BACH2: variants seen among roughly 807,000 people sequenced by gnomAD.
BACH2 encodes transcription regulator protein BACH2.
In BACH2, 5 loss-of-function variants were observed where a neutral mutation model predicts 61.8. The ratio of observed to expected loss-of-function variants is 0.08; its 90% CI spans 0.04 to 0.17. BACH2 has a LOEUF of 0.17. BACH2 is among the 10% of genes least tolerant of loss of function. BACH2 has a pLI of 1.00. For missense variants in BACH2, 824 were observed against 1,091.1 expected (o/e 0.76, Z 3.45); for synonymous variants, 446 against 440.1 (o/e 1.01, Z -0.17).
At chr6:90,213,157 A>C (rs1769414772) in intron 3 of BACH2, among the ~76,000 whole-genome samples, 1 of 152,142 alleles carries the variant, frequency 6.6e-6, no homozygotes, top group Admixed American at 6.5e-5. Flanking sequence ...GAATGAGATG[A>C]GTGAAAGGTC....
chr6:89,940,778 G>A (rs933477275), intron 7 of BACH2, among the ~76,000 whole-genome samples: 6 of 151,476 alleles, frequency 4.0e-5, no homozygotes, highest in African/African-American at 1.5e-4. Context: ...TTTGAATACT[G>A]TATGTTATTT....
At chr6:90,019,633 G>T (rs1778271644) in intron 5 of BACH2, among the ~76,000 whole-genome samples, 1 of 152,156 alleles carries the variant, frequency 6.6e-6, no homozygotes, top group Admixed American at 6.5e-5. Flanking sequence ...AGTTTTCTTT[G>T]ACCTTCTAAA....
chr6:90,221,831 G>T (rs753532556), intron 3 of BACH2, among the ~76,000 whole-genome samples: 1 of 152,182 alleles, frequency 6.6e-6, no homozygotes, highest in Admixed American at 6.5e-5. Context: ...GAGTCTGGGG[G>T]TTATGAGAAA....
chr6:90,116,509 G>C (rs1282966775), intron 4 of BACH2, among the ~76,000 whole-genome samples: 1 of 152,080 alleles, frequency 6.6e-6, no homozygotes, highest in Non-Finnish European at 1.5e-5. Context: ...GAGGGTGGGA[G>C]AGAAAGTAGC....
rs533521663 is a variant in BACH2 at position 90,227,738 on chromosome 6, C to G, written c.-274-21057G>C. ...GTGATCTGAAATATCAACAAAATTACAGACTAGAAATCAACTAGACTTCAA... is the reference window on the plus strand; with the variant it reads ...GTGATCTGAAATATCAACAAAATTAGAGACTAGAAATCAACTAGACTTCAA... On this transcript the variant is annotated intron_variant, in intron 3 of 8. Transcript: ENST00000257749. Among the ~76,000 whole-genome samples the G allele has an allele frequency of 1.7e-4, 26 of 152,112 alleles. No individual in the cohort carries two copies. The Middle Eastern group carries it at 0.014, about 80-fold the overall frequency.
chr6:90,181,838 T>C (rs1455044791), intron 4 of BACH2, among the ~76,000 whole-genome samples: 2 of 152,210 alleles, frequency 1.3e-5, no homozygotes, highest in Admixed American at 6.5e-5. Flanking sequence ...GGAAAGAAAC[T>C]TGCCCCAAGT....
At position 90,006,341 on chromosome 6, in the gene BACH2, T is replaced by C. The variant is rs147272949; in HGVS notation, c.243+2261A>G. Reference sequence around the variant, plus strand: ...TCATGGCAGGACAGCTAGTTAAGTATGTCCCCAACAGCGCAGTTAAGGAAA... The same window carrying C: ...TCATGGCAGGACAGCTAGTTAAGTACGTCCCCAACAGCGCAGTTAAGGAAA... On this transcript the variant is annotated intron_variant, in intron 6 of 8. Coordinates refer to ENST00000257749, the MANE Select transcript of BACH2 (RefSeq NM_021813.4). Among the ~76,000 whole-genome samples the C allele has an allele frequency of 2.4e-3, 369 of 152,348 alleles. 7 individuals are homozygous for C. The East Asian group carries it at 0.035, about 14-fold the overall frequency.
rs189203775 is a variant in BACH2, at chr6:90,236,985, G to A, written c.-275+15528C>T. Among the ~76,000 whole-genome samples, 486 of 151,920 alleles carry A rather than the reference G, an allele frequency of 3.2e-3. 2 individuals carry two copies. The highest frequency in any genetic ancestry group is 0.011 in the African/African-American group (447 of 41,412). ...GTCGCCCAGGCTGGAGTGCAGTGGC[G>A]CAATCTCAGCTCACTGCAACCTCCA... On this transcript the variant is annotated intron_variant, in intron 3 of 8. Coordinates refer to ENST00000257749, the MANE Select transcript of BACH2 (RefSeq NM_021813.4).
intron 4 of BACH2, among the ~76,000 whole-genome samples, chr6:90,160,765 A>G (rs900591632): frequency 6.6e-6 from 1 of 152,166 alleles, no homozygotes; most frequent in African/African-American, 2.4e-5. Context: ...TCTAAGTTGG[A>G]GTCTTCACTT....
intron 4 of BACH2, among the ~76,000 whole-genome samples, chr6:90,092,291 A>AAAAAAAAAAAAAAAAAAT: frequency 2.0e-4 from 23 of 113,812 alleles, no homozygotes; most frequent in African/African-American, 7.9e-4. Flanking sequence ...AAAAAAAAAA[A>AAAAAAAAAAAAAAAAAAT]ATATATATAT....
chr6:90,222,932 G>A (rs551430024), intron 3 of BACH2, among the ~76,000 whole-genome samples: 71 of 152,100 alleles, frequency 4.7e-4, no homozygotes, highest in African/African-American at 1.6e-3. Flanking sequence ...TACTCAACCC[G>A]CCACTCTGGC....
At chr6:90,119,524 A>G (rs1783539194) in intron 4 of BACH2, among the ~76,000 whole-genome samples, 1 of 152,210 alleles carries the variant, frequency 6.6e-6, no homozygotes, top group African/African-American at 2.4e-5. Flanking sequence ...ATTTAAACTT[A>G]AAAGCCTGAA....
chr6:90,169,611 G>C (rs771727109), intron 4 of BACH2, among the ~76,000 whole-genome samples: 15 of 152,176 alleles, frequency 9.9e-5, no homozygotes, highest in Admixed American at 2.0e-4. Flanking sequence ...TATAAATGGT[G>C]CTTTGCTCTT....
At chr6:90,116,912 G>T in intron 4 of BACH2, 1 of 513,976 alleles carries the variant, frequency 1.9e-6, no homozygotes, top group South Asian at 3.7e-5. Flanking sequence ...TCTTTTCTCT[G>T]ACCATTCCCT....
chr6:90,034,334 T>G (rs1379303730), intron 5 of BACH2, among the ~76,000 whole-genome samples: 2 of 152,182 alleles, frequency 1.3e-5, no homozygotes, highest in African/African-American at 4.8e-5. Flanking sequence ...GCTTAATGAT[T>G]AATATAACAA....
At chr6:90,033,264 G>A (rs1212491056) in intron 5 of BACH2, among the ~76,000 whole-genome samples, 6 of 150,942 alleles carry the variant, frequency 4.0e-5, no homozygotes, top group Admixed American at 2.0e-4. Context: ...GTTAAATGAC[G>A]TGTTACTGGA....
chr6:90,190,234 CA>C lies in BACH2; in HGVS notation c.-162+16334del, dbSNP rs200241851. ...GTGGGATTATAGGCGTGAGCCACCG[CA>C]AGCAGCCAACTCTGAGCATTTTTAG... On this transcript the variant is annotated intron_variant, in intron 4 of 8. Coordinates refer to ENST00000257749, the MANE Select transcript of BACH2 (RefSeq NM_021813.4). Among the ~76,000 whole-genome samples, 1,260 of 152,304 alleles carry C rather than the reference CA, an allele frequency of 8.3e-3. 10 individuals are homozygous for C. Among genetic ancestry groups the C allele is most frequent in the Middle Eastern group, 0.024 (7 of 294 alleles).
intron 2 of BACH2, among the ~76,000 whole-genome samples, chr6:90,261,216 G>T (rs1255697317): frequency 2.0e-5 from 3 of 152,008 alleles, no homozygotes; most frequent in Non-Finnish European, 2.9e-5. Flanking sequence ...GTTGTCCTTT[G>T]TCTAGCCCAA....
At chr6:90,018,992 A>ATG (rs1342526964) in intron 5 of BACH2, among the ~76,000 whole-genome samples, 1 of 152,042 alleles carries the variant, frequency 6.6e-6, no homozygotes. Flanking sequence ...TGTTTTCAGG[A>ATG]TTTTCTTATC....
Sources: gnomAD v4.1 joint callset for allele counts (sites outside exome capture counted in the v4.1 genomes callset) on GRCh38, gnomAD v4.1.1 for gene constraint, MANE v1.5 for transcripts, NCBI Gene and HGNC (gene_info 2026-07-23, HGNC 2026-07-21) for gene names.